Variants in SULT2B1 observed in about 807,000 individuals in gnomAD.
The protein encoded by SULT2B1 is sulfotransferase 2B1.
In SULT2B1, 16 loss-of-function variants were observed where a neutral mutation model predicts 33.2. That is an observed-to-expected ratio of 0.48 (90% confidence interval 0.33 to 0.73). The LOEUF (loss-of-function observed/expected upper bound fraction) is 0.73. Among genes scored for constraint, SULT2B1 ranks in the 30% least tolerant of loss-of-function variants. The pLI, the probability that SULT2B1 is intolerant of heterozygous loss-of-function variation, is 0.02. For missense variants in SULT2B1, 500 were observed against 506.0 expected (o/e 0.99, Z 0.11); for synonymous variants, 186 against 200.5 (o/e 0.93, Z 0.61).
At chr19:48,572,395 G>A (rs2147608511) in intron 1 of SULT2B1, among the ~76,000 whole-genome samples, 1 of 152,196 alleles carries the variant, frequency 6.6e-6, no homozygotes, top group East Asian at 1.9e-4. Context: ...CACCTGTAGT[G>A]CTAGCTACTA....
chr19:48,581,621 C>A (rs2147617092), intron 2 of SULT2B1, among the ~76,000 whole-genome samples: 1 of 151,256 alleles, frequency 6.6e-6, no homozygotes, highest in East Asian at 2.0e-4. Context: ...CCACGCCCGG[C>A]TAATTTTTTG....
At chr19:48,598,079 A>G (rs73579540) in intron 6 of SULT2B1, among the ~76,000 whole-genome samples, 2,242 of 152,236 alleles carry the variant, frequency 0.015, 58 homozygotes, top group African/African-American at 0.051. Context: ...TTTGCCACAT[A>G]AGGTCACATA....
chr19:48,576,580 T>A (rs1291992903), intron 2 of SULT2B1, among the ~76,000 whole-genome samples: 1 of 149,270 alleles, frequency 6.7e-6, no homozygotes, highest in Non-Finnish European at 1.5e-5. Flanking sequence ...TCATCAAACC[T>A]CCCACCTTGG....
chr19:48,590,108 C>T (rs1179035419), intron 3 of SULT2B1, among the ~76,000 whole-genome samples: 1 of 152,054 alleles, frequency 6.6e-6, no homozygotes, highest in East Asian at 2.0e-4. Flanking sequence ...TTGCCTCAGC[C>T]TCCCAAATAG....
intron 1 of SULT2B1, among the ~76,000 whole-genome samples, chr19:48,570,217 T>G (rs1046070649): frequency 7.9e-5 from 12 of 151,302 alleles, no homozygotes; most frequent in African/African-American, 2.7e-4. Context: ...TTCACTCTTG[T>G]TGCCCAGGCT....
At chr19:48,560,373 A>G (rs1346956409) in intron 1 of SULT2B1, among the ~76,000 whole-genome samples, 1 of 152,080 alleles carries the variant, frequency 6.6e-6, no homozygotes, top group Non-Finnish European at 1.5e-5. Flanking sequence ...CCCATTTTAC[A>G]GATGGGAAAA....
intron 2 of SULT2B1, among the ~76,000 whole-genome samples, chr19:48,586,021 A>G (rs1342055638): frequency 6.6e-6 from 1 of 151,860 alleles, no homozygotes; most frequent in African/African-American, 2.4e-5. Flanking sequence ...GTTCAAGACC[A>G]GCCTGGGCAA....
intron 2 of SULT2B1, among the ~76,000 whole-genome samples, chr19:48,584,973 C>CAGG (rs1973543475): frequency 6.9e-6 from 1 of 144,112 alleles, no homozygotes; most frequent in African/African-American, 2.6e-5. Flanking sequence ...TGCTTGAATC[C>CAGG]AGGAGGCAGA....
In SULT2B1 at chr19:48,587,406, T is replaced by C; in HGVS notation, c.392T>C (p.Phe131Ser). 6.2e-7 allele frequency: 1 copy of C among 1,613,932 alleles called. No individual in the cohort carries two copies. Among genetic ancestry groups the C allele is most frequent in the Non-Finnish European group, 8.5e-7 (1 of 1,179,958 alleles). ...AGCTCCCATCTTCCCATCCAGATCT[T>C]CACCAAGGCCTTCTTCAGCTCCAAG... ...LMSSHLPIQIFTKAFFSSKAK... is the reference protein window; with the variant it reads ...LMSSHLPIQISTKAFFSSKAK... The change falls in exon 3 of 7, where the codon TTC (phenylalanine) becomes TCC (serine). Residue 131 changes from phenylalanine (F) to serine (S), a missense_variant. By Grantham distance (155) the Phe-to-Ser change is radical (BLOSUM62 -2). Transcript: ENST00000201586.
intron 2 of SULT2B1, among the ~76,000 whole-genome samples, chr19:48,576,354 C>CTTTTTTTTTTTTTTTTTTTTTTT (rs879507532): frequency 6.3e-5 from 5 of 79,918 alleles, no homozygotes; most frequent in African/African-American, 1.6e-4. Context: ...TTACCCTCTA[C>CTTTTTTTTTTTTTTTTTTTTTTT]TTCTCTTTTT....
At chr19:48,554,095 A>C (rs1223897815) in intron 1 of SULT2B1, among the ~76,000 whole-genome samples, 1 of 151,664 alleles carries the variant, frequency 6.6e-6, no homozygotes, top group Non-Finnish European at 1.5e-5. Flanking sequence ...ATCGTGGGGG[A>C]GAATAGCCCT....
At chr19:48,571,798 A>AG (rs1415930785) in intron 1 of SULT2B1, among the ~76,000 whole-genome samples, 2 of 152,090 alleles carry the variant, frequency 1.3e-5, no homozygotes. Flanking sequence ...AAGAGGGTGC[A>AG]GGGGGTCTAG....
chr19:48,561,943 CCATGTCT>C (rs1157943452), intron 1 of SULT2B1, among the ~76,000 whole-genome samples: 2 of 151,998 alleles, frequency 1.3e-5, no homozygotes, highest in African/African-American at 4.8e-5. Context: ...GGCAAAAACC[CCATGTCT>C]ACTAAAAACA....
At chr19:48,593,017 TG>T (rs1162148512) in intron 5 of SULT2B1, among the ~76,000 whole-genome samples, 3 of 152,128 alleles carry the variant, frequency 2.0e-5, no homozygotes, top group Non-Finnish European at 4.4e-5. Context: ...CACAGCAGGC[TG>T]GCGGGGCAGA....
intron 1 of SULT2B1, among the ~76,000 whole-genome samples, chr19:48,569,259 G>A (rs1214381808): frequency 2.7e-5 from 4 of 150,778 alleles, no homozygotes; most frequent in Admixed American, 6.7e-5. Context: ...GCAGAATGGC[G>A]TGAATCCAGG....
chr19:48,582,262 C>T (rs1220355257), intron 2 of SULT2B1, among the ~76,000 whole-genome samples: 2 of 152,116 alleles, frequency 1.3e-5, no homozygotes, highest in Admixed American at 6.6e-5. Context: ...CATCTTGGAA[C>T]TTTAAACAAA....
chr19:48,570,475 G>A (rs777802267), intron 1 of SULT2B1, among the ~76,000 whole-genome samples: 2 of 152,058 alleles, frequency 1.3e-5, no homozygotes, highest in African/African-American at 2.4e-5. Context: ...CACCGAGCCC[G>A]GCCAGTTCTT....
intron 2 of SULT2B1, among the ~76,000 whole-genome samples, chr19:48,581,646 A>G (rs1973489784): frequency 6.7e-6 from 1 of 148,370 alleles, no homozygotes; most frequent in Non-Finnish European, 1.5e-5. Flanking sequence ...TTTAGTAGAG[A>G]CGGGGTTTCA....
intron 6 of SULT2B1, among the ~76,000 whole-genome samples, chr19:48,597,447 G>C (rs1213271975): frequency 7.0e-6 from 1 of 141,900 alleles, no homozygotes; most frequent in Non-Finnish European, 1.5e-5. Flanking sequence ...AGGTTCAAGT[G>C]ATTCTCCTTC....
Sources: gnomAD v4.1 joint callset for allele counts (sites outside exome capture counted in the v4.1 genomes callset) on GRCh38, gnomAD v4.1.1 for gene constraint, MANE v1.5 for transcripts, NCBI Gene and HGNC (gene_info 2026-07-23, HGNC 2026-07-21) for gene names.